The following FGF13 variants were observed in gnomAD, a reference collection of about 807,000 sequenced individuals.
FGF13 encodes fibroblast growth factor homologous factor 2.
In FGF13, 2 loss-of-function variants were observed where a neutral mutation model predicts 19.5. The observed-to-expected ratio is 0.10, with a 90% CI of 0.04 to 0.32. FGF13 has a LOEUF of 0.32. FGF13 is among the 10% of genes least tolerant of loss of function. The pLI, the probability that FGF13 is intolerant of heterozygous loss-of-function variation, is 1.00. For synonymous variants in FGF13, 72 were observed against 76.9 expected, an observed-to-expected ratio of 0.94 and a Z score of 0.33; for missense variants, 113 against 192.7, an observed-to-expected ratio of 0.59 and a Z score of 2.45.
At chrX:138,888,931 C>T (rs771471406) in intron 1 of FGF13, among the ~76,000 whole-genome samples, 1 of 111,943 alleles carries the variant, frequency 8.9e-6, no homozygotes, top group African/African-American at 3.2e-5. Flanking sequence ...AAATATGATG[C>T]ATGACACTGT....
intron 1 of FGF13, among the ~76,000 whole-genome samples, chrX:138,917,783 G>A (rs754861455): frequency 1.4e-3 from 161 of 111,175 alleles, no homozygotes; most frequent in African/African-American, 5.0e-3. Context: ...CAACATCTGG[G>A]GGTGTGTATT....
At chrX:138,792,423 A>G (rs2090749048) in intron 3 of FGF13, among the ~76,000 whole-genome samples, 1 of 111,614 alleles carries the variant, frequency 9.0e-6, no homozygotes, top group East Asian at 2.8e-4. Context: ...TTGTCTCCAA[A>G]GCCTAGATAT....
intron 3 of FGF13, among the ~76,000 whole-genome samples, chrX:138,751,915 C>T (rs1044296948): frequency 8.9e-6 from 1 of 111,908 alleles, no homozygotes; most frequent in East Asian, 2.8e-4. Context: ...CCCCCCAACA[C>T]AGCTATTATT....
intron 1 of FGF13, among the ~76,000 whole-genome samples, chrX:138,989,217 C>T (rs2092005150): frequency 9.0e-6 from 1 of 111,543 alleles, no homozygotes; most frequent in Non-Finnish European, 1.9e-5. Flanking sequence ...GAAAACTACC[C>T]TCCCTAGAAG....
intron 1 of FGF13, among the ~76,000 whole-genome samples, chrX:139,071,220 A>T (rs940875379): frequency 9.0e-6 from 1 of 111,661 alleles, no homozygotes; most frequent in Admixed American, 9.5e-5. Context: ...TATTCCTATG[A>T]CCTAATTTTG....
At chrX:138,958,315 T>A (rs188066175) in intron 1 of FGF13, among the ~76,000 whole-genome samples, 271 of 112,101 alleles carry the variant, frequency 2.4e-3, no homozygotes, top group South Asian at 3.4e-3. Context: ...TCTGTTTATA[T>A]GATGGACTAC....
chrX:138,769,970 A>G (rs914165453), intron 3 of FGF13, among the ~76,000 whole-genome samples: 10 of 112,114 alleles, frequency 8.9e-5, no homozygotes, highest in African/African-American at 3.2e-4. Context: ...TTAGAACATG[A>G]TTTCCCCAAG....
At chrX:139,029,251 C>T (rs890976557) in intron 1 of FGF13, among the ~76,000 whole-genome samples, 3 of 111,649 alleles carry the variant, frequency 2.7e-5, no homozygotes, top group African/African-American at 9.8e-5. Context: ...TTCAGCAAGC[C>T]GTGAAAGCCA....
At chrX:138,932,008 A>C (rs1272122515) in intron 1 of FGF13, among the ~76,000 whole-genome samples, 1 of 103,220 alleles carries the variant, frequency 9.7e-6, no homozygotes, top group Non-Finnish European at 2.0e-5. Context: ...CTATCCCCCC[A>C]CCCCCCATTT....
At chrX:139,171,695 A>G (rs2084134605) in intron 1 of FGF13, among the ~76,000 whole-genome samples, 1 of 112,618 alleles carries the variant, frequency 8.9e-6, no homozygotes, top group Admixed American at 9.4e-5. Flanking sequence ...TTAATAACAA[A>G]TCAGCATGCC....
chrX:139,051,066 AC>A (rs890586231), intron 1 of FGF13, among the ~76,000 whole-genome samples: 4 of 112,171 alleles, frequency 3.6e-5, no homozygotes, highest in Non-Finnish European at 7.5e-5. Flanking sequence ...TTAAAGCCTC[AC>A]TAAATATACC....
intron 1 of FGF13, among the ~76,000 whole-genome samples, chrX:139,081,000 G>A (rs77671714): frequency 0.03 from 3,263 of 110,331 alleles, 82 homozygotes; most frequent in East Asian, 0.14. Flanking sequence ...CCTTGACTAC[G>A]CATTCTCCCT....
At chrX:139,023,327 A>G (rs1432872370) in intron 1 of FGF13, among the ~76,000 whole-genome samples, 2 of 111,541 alleles carry the variant, frequency 1.8e-5, no homozygotes, top group East Asian at 2.8e-4. Context: ...TAATTTTCAC[A>G]TATCACAGAA....
At chrX:138,880,215 G>C (rs1463414344) in intron 1 of FGF13, among the ~76,000 whole-genome samples, 1 of 111,940 alleles carries the variant, frequency 8.9e-6, no homozygotes, top group African/African-American at 3.2e-5. Context: ...AAATAGGAAC[G>C]CTTTTACACT....
At position 138,922,160 on chromosome X, in the gene FGF13, C is replaced by CA. The variant is rs11447268; in HGVS notation, c.-112-57511dup. Among the ~76,000 whole-genome samples the CA allele has an allele frequency of 3.6e-4, 38 of 106,088 alleles. 1 individual carries two copies. Among genetic ancestry groups the CA allele is most frequent in the South Asian group, 4.3e-4 (1 of 2,332 alleles). The allele number at this position is 106,088 out of a possible 115,157, so 92.1% of individuals were successfully genotyped here. On this transcript the variant is annotated intron_variant, in intron 1 of 2. Coordinates refer to the FGF13 transcript ENST00000421460. ...GTTTCCACTGCCATATTTTCTCACA[C>CA]AAAAAAAATGAAACTAAATTGGGGA...
At chrX:138,845,575 T>G (rs974359294) in intron 3 of FGF13, among the ~76,000 whole-genome samples, 1 of 111,598 alleles carries the variant, frequency 9.0e-6, no homozygotes, top group Non-Finnish European at 1.9e-5. Context: ...TTAAATGGAG[T>G]CCTGACTGGG....
intron 1 of FGF13, among the ~76,000 whole-genome samples, chrX:138,961,581 T>C (rs1164853276): frequency 9.0e-6 from 1 of 111,445 alleles, no homozygotes; most frequent in Non-Finnish European, 1.9e-5. Context: ...TGTTCAGCTA[T>C]GCCCTGCCAT....
At chrX:139,161,694 C>G in intron 1 of FGF13, among the ~76,000 whole-genome samples, 1 of 112,210 alleles carries the variant, frequency 8.9e-6, no homozygotes, top group East Asian at 2.8e-4. Flanking sequence ...TAAGCAACTT[C>G]AGCAAAGTCT....
chrX:139,116,809 G>A (rs1484088726), intron 1 of FGF13, among the ~76,000 whole-genome samples: 3 of 111,000 alleles, frequency 2.7e-5, no homozygotes, highest in Non-Finnish European at 3.8e-5. Flanking sequence ...GAGGGAGAAT[G>A]GTACAGGGTG....
Sources: gnomAD v4.1 joint callset for allele counts (sites outside exome capture counted in the v4.1 genomes callset) on GRCh38, gnomAD v4.1.1 for gene constraint, MANE v1.5 for transcripts, NCBI Gene and HGNC (gene_info 2026-07-23, HGNC 2026-07-21) for gene names.